NTRK2: variants seen among roughly 807,000 people sequenced by gnomAD.
NTRK2 encodes the protein neurotrophic receptor tyrosine kinase 2.
A neutral mutation model predicts 94.5 loss-of-function variants in NTRK2; 13 were observed. That is an observed-to-expected ratio of 0.14 (90% CI 0.09 to 0.22). NTRK2 has a LOEUF of 0.22. NTRK2 is among the 10% of genes least tolerant of loss of function. The probability of loss-of-function intolerance (pLI) is 1.00; values close to 1 mark genes in which losing one functional copy is unlikely to be tolerated. For synonymous variants in NTRK2, 372 were observed against 407.4 expected, an observed-to-expected ratio of 0.91 and a Z score of 1.05; for missense variants, 639 against 1,071.2, an observed-to-expected ratio of 0.60 and a Z score of 5.63.
intron 17 of NTRK2, among the ~76,000 whole-genome samples, chr9:84,986,669 C>T (rs1828351675): frequency 6.6e-6 from 1 of 151,042 alleles, no homozygotes; most frequent in African/African-American, 2.5e-5. Flanking sequence ...GTTGTTTATG[C>T]ATCTCATTTG....
At chr9:84,783,616 G>T (rs938287749) in intron 12 of NTRK2, among the ~76,000 whole-genome samples, 1 of 152,194 alleles carries the variant, frequency 6.6e-6, no homozygotes, top group African/African-American at 2.4e-5. Context: ...GATGGGCATT[G>T]AAGGAGGCTT....
At chr9:84,831,830 A>T (rs2073566636) in intron 12 of NTRK2, among the ~76,000 whole-genome samples, 1 of 152,196 alleles carries the variant, frequency 6.6e-6, no homozygotes, top group South Asian at 2.1e-4. Context: ...CACTTAGGAG[A>T]TTCTCACAGT....
At chr9:84,730,925 C>A (rs1310824711) in intron 9 of NTRK2, among the ~76,000 whole-genome samples, 1 of 151,596 alleles carries the variant, frequency 6.6e-6, no homozygotes, top group East Asian at 1.9e-4. Context: ...TTAGCTCTCA[C>A]AAATATTTTT....
At chr9:84,848,079 C>CAGAG (rs3029704) in intron 12 of NTRK2, among the ~76,000 whole-genome samples, 65 of 144,354 alleles carry the variant, frequency 4.5e-4, no homozygotes, top group African/African-American at 1.2e-3. Context: ...TAGAGAGGGG[C>CAGAG]AGAGAGAGAG....
chr9:84,981,273 T>A (rs1297974281), intron 17 of NTRK2, among the ~76,000 whole-genome samples: 2 of 151,520 alleles, frequency 1.3e-5, no homozygotes, highest in Non-Finnish European at 2.9e-5. Flanking sequence ...TTGTTTTTTT[T>A]TTATGTTTAG....
At chr9:84,954,729 G>A (rs1483272200) in intron 16 of NTRK2, among the ~76,000 whole-genome samples, 2 of 152,202 alleles carry the variant, frequency 1.3e-5, no homozygotes. Context: ...GTGGACTATG[G>A]AAGGCCGCAG....
At chr9:84,679,268 C>T (rs1387081512) in intron 2 of NTRK2, among the ~76,000 whole-genome samples, 1 of 152,202 alleles carries the variant, frequency 6.6e-6, no homozygotes, top group Non-Finnish European at 1.5e-5. Flanking sequence ...CAGCCTCTTT[C>T]TGTTTCTGGT....
chr9:84,915,607 A>G (rs1329387065), intron 14 of NTRK2, among the ~76,000 whole-genome samples: 1 of 152,184 alleles, frequency 6.6e-6, no homozygotes, highest in Non-Finnish European at 1.5e-5. Context: ...TGTGAACCAG[A>G]AAACCTCTGT....
chr9:84,852,310 G>T (rs2074815914), intron 12 of NTRK2, among the ~76,000 whole-genome samples: 2 of 152,326 alleles, frequency 1.3e-5, no homozygotes, highest in Non-Finnish European at 2.9e-5. Flanking sequence ...ATGTCTCAGG[G>T]AGTCATTCAT....
chr9:84,687,525 C>T (rs1024256683), intron 2 of NTRK2, among the ~76,000 whole-genome samples: 6 of 152,072 alleles, frequency 3.9e-5, no homozygotes, highest in African/African-American at 1.4e-4. Context: ...ACTATAGAGC[C>T]TCTTACTTAC....
intron 14 of NTRK2, among the ~76,000 whole-genome samples, chr9:84,906,464 G>C (rs2077078786): frequency 6.6e-6 from 1 of 152,198 alleles, no homozygotes; most frequent in African/African-American, 2.4e-5. Flanking sequence ...TGACTGCTAG[G>C]GTATGGGTTG....
intron 12 of NTRK2, chr9:84,810,580 C>T: frequency 6.2e-7 from 1 of 1,613,894 alleles, no homozygotes; most frequent in East Asian, 2.2e-5. Flanking sequence ...GGATGGGTAG[C>T]TGAAATAAAG....
At chr9:84,840,845 C>T (rs1165189956) in intron 12 of NTRK2, among the ~76,000 whole-genome samples, 2 of 152,116 alleles carry the variant, frequency 1.3e-5, no homozygotes, top group Non-Finnish European at 2.9e-5. Context: ...CTTCAGAGGT[C>T]GTTGCATTGC....
chr9:84,747,759 G>A (rs2064221597), intron 11 of NTRK2, among the ~76,000 whole-genome samples: 1 of 152,144 alleles, frequency 6.6e-6, no homozygotes, highest in East Asian at 1.9e-4. Context: ...GGGATTACAG[G>A]CATGAGCCAC....
intron 17 of NTRK2, among the ~76,000 whole-genome samples, chr9:85,012,292 ATTTATTTTTAAGGAAGG>A (rs1323141698): frequency 6.6e-6 from 1 of 151,932 alleles, no homozygotes; most frequent in Non-Finnish European, 1.5e-5. Context: ...CAGCTTGTTT[ATTTATTTTTAAGGAAGG>A]CTCATTGAAG....
chr9:84,955,883 C>G (rs1033366616), intron 17 of NTRK2, among the ~76,000 whole-genome samples: 1 of 152,172 alleles, frequency 6.6e-6, no homozygotes, highest in Non-Finnish European at 1.5e-5. Context: ...AGTCTTGTCT[C>G]CAAATACAGT....
chr9:84,964,164 GGA>G (rs1471691521), intron 17 of NTRK2, among the ~76,000 whole-genome samples: 1 of 152,150 alleles, frequency 6.6e-6, no homozygotes, highest in Non-Finnish European at 1.5e-5. Flanking sequence ...TCACCTTGTT[GGA>G]TGCTGGATGT....
At chr9:84,934,357 A>G (rs2078141781) in intron 15 of NTRK2, 65 bp downstream of exon 15, 2 of 1,571,838 alleles carry the variant, frequency 1.3e-6, no homozygotes, top group Admixed American at 1.7e-5. Flanking sequence ...ATTTAACTCT[A>G]TTTTATTATA....
chr9:84,761,433 C>G (rs1451739101), intron 12 of NTRK2, among the ~76,000 whole-genome samples: 1 of 152,128 alleles, frequency 6.6e-6, no homozygotes, highest in African/African-American at 2.4e-5. Flanking sequence ...CTTTCCTGCA[C>G]TTGCTTCCTG....
Sources: gnomAD v4.1 joint callset for allele counts (sites outside exome capture counted in the v4.1 genomes callset) on GRCh38, gnomAD v4.1.1 for gene constraint, MANE v1.5 for transcripts, NCBI Gene and HGNC (gene_info 2026-07-23, HGNC 2026-07-21) for gene names.